The following SEMA3D variants were observed in gnomAD, a reference collection of about 807,000 sequenced individuals.
SEMA3D encodes the protein semaphorin-3D.
In SEMA3D, 84 loss-of-function variants were observed where a neutral mutation model predicts 100.1. The observed-to-expected ratio is 0.84, with a 90% CI of 0.70 to 1.01. The LOEUF is 1.01. SEMA3D is among the 50% of genes least tolerant of loss of function. The probability of loss-of-function intolerance (pLI) is 0.00; values close to 1 mark genes in which losing one functional copy is unlikely to be tolerated. For synonymous variants in SEMA3D, 312 were observed against 320.7 expected (o/e 0.97, Z 0.29); for missense variants, 875 against 934.1 (o/e 0.94, Z 0.82).
chr7:85,203,394 T>C, the SEMA3D span, among the ~76,000 whole-genome samples: 1 of 152,190 alleles, frequency 6.6e-6, no homozygotes, highest in Non-Finnish European at 1.5e-5. Flanking sequence ...AATAATATTT[T>C]AAAAGAGACT....
At chr7:85,245,957 T>A in the SEMA3D span, among the ~76,000 whole-genome samples, 1 of 152,086 alleles carries the variant, frequency 6.6e-6, no homozygotes, top group Non-Finnish European at 1.5e-5. Context: ...AATAATTTGG[T>A]AACATAATAG....
intron 9 of SEMA3D, among the ~76,000 whole-genome samples, chr7:85,044,388 C>A (rs566439835): frequency 2.5e-3 from 381 of 152,022 alleles, no homozygotes; most frequent in Non-Finnish European, 4.0e-3. Flanking sequence ...TCCTTTCTCA[C>A]TAAACAAAAG....
intron 9 of SEMA3D, among the ~76,000 whole-genome samples, chr7:85,049,570 A>G (rs1035242239): frequency 2.0e-5 from 3 of 151,822 alleles, no homozygotes; most frequent in African/African-American, 7.2e-5. Context: ...CAGACAGGAA[A>G]ACAGATGGAA....
chr7:85,020,158 A>G, intron 14 of SEMA3D, 75 bp downstream of exon 14: 1 of 935,712 alleles, frequency 1.1e-6, no homozygotes, highest in South Asian at 1.4e-5. Context: ...ATGATGTATT[A>G]AAACAAGGGT....
chr7:85,221,067 A>G, the SEMA3D span, among the ~76,000 whole-genome samples: 3 of 152,074 alleles, frequency 2.0e-5, no homozygotes, highest in East Asian at 1.9e-4. Flanking sequence ...ATGTGCTCCA[A>G]TGTCATGACC....
At chr7:85,117,051 C>T (rs1789263610) in intron 3 of SEMA3D, among the ~76,000 whole-genome samples, 1 of 152,128 alleles carries the variant, frequency 6.6e-6, no homozygotes, top group South Asian at 2.1e-4. Flanking sequence ...GTAAGGCTTT[C>T]TCATGTTGCA....
intron 2 of SEMA3D, 108 bp from the exon 3 acceptor site, chr7:85,122,039 A>C: frequency 1.7e-6 from 1 of 587,592 alleles, no homozygotes; most frequent in Non-Finnish European, 2.9e-6. Flanking sequence ...TTGAACAATG[A>C]GAACACATGG....
intron 1 of SEMA3D, among the ~76,000 whole-genome samples, chr7:85,163,504 G>GA (rs1440203129): frequency 3.3e-5 from 5 of 151,750 alleles, no homozygotes; most frequent in Non-Finnish European, 7.4e-5. Flanking sequence ...GGAAAAATAA[G>GA]AAAAAAAGAA....
intron 8 of SEMA3D, among the ~76,000 whole-genome samples, chr7:85,062,623 T>C (rs1317122279): frequency 6.6e-6 from 1 of 152,184 alleles, no homozygotes; most frequent in East Asian, 1.9e-4. Flanking sequence ...GATTTTAGAC[T>C]TTAAATCCAA....
At chr7:85,178,591 T>A (rs1323788989) in intron 1 of SEMA3D, among the ~76,000 whole-genome samples, 1 of 151,934 alleles carries the variant, frequency 6.6e-6, no homozygotes, top group African/African-American at 2.4e-5. Context: ...GCAGAAAAAA[T>A]TTCTAACTGG....
At chr7:85,070,898 A>G (rs1791753638) in intron 6 of SEMA3D, among the ~76,000 whole-genome samples, 1 of 152,146 alleles carries the variant, frequency 6.6e-6, no homozygotes, top group Admixed American at 6.5e-5. Flanking sequence ...TTCTTGCCTC[A>G]GCCTTCAGAG....
At chr7:85,044,218 A>G (rs1438988011) in intron 9 of SEMA3D, among the ~76,000 whole-genome samples, 1 of 152,050 alleles carries the variant, frequency 6.6e-6, no homozygotes, top group Non-Finnish European at 1.5e-5. Context: ...AATGACTACA[A>G]CAAACAAGAG....
chr7:85,127,094 T>C (rs1336385286), intron 2 of SEMA3D, among the ~76,000 whole-genome samples: 1 of 152,154 alleles, frequency 6.6e-6, no homozygotes, highest in Middle Eastern at 3.2e-3. Flanking sequence ...GAAGGCCATC[T>C]GACTCCTCAG....
chr7:85,203,618 C>G, the SEMA3D span, among the ~76,000 whole-genome samples: 1 of 152,090 alleles, frequency 6.6e-6, no homozygotes, highest in Non-Finnish European at 1.5e-5. Context: ...TGTGAAGCAA[C>G]TCCTGATGTG....
chr7:85,051,019 C>T (rs1791149187), intron 9 of SEMA3D, among the ~76,000 whole-genome samples: 1 of 151,878 alleles, frequency 6.6e-6, no homozygotes, highest in South Asian at 2.1e-4. Flanking sequence ...CAGATATTTA[C>T]ATTATTTACA....
chr7:85,096,009 C>T (rs1206780808), intron 4 of SEMA3D, among the ~76,000 whole-genome samples: 1 of 151,940 alleles, frequency 6.6e-6, no homozygotes, highest in African/African-American at 2.4e-5. Flanking sequence ...TCCCTGAAGG[C>T]AGAGAACAGA....
chr7:85,210,104 C>T, the SEMA3D span, among the ~76,000 whole-genome samples: 1 of 152,030 alleles, frequency 6.6e-6, no homozygotes, highest in Non-Finnish European at 1.5e-5. Flanking sequence ...TAATGGGAGG[C>T]TCTAAACAAC....
chr7:85,246,862 T>A, the SEMA3D span, among the ~76,000 whole-genome samples: 1 of 151,908 alleles, frequency 6.6e-6, no homozygotes, highest in African/African-American at 2.4e-5. Context: ...CATCTTAATT[T>A]TCTTGCCACA....
the SEMA3D span, among the ~76,000 whole-genome samples, chr7:85,210,876 A>G: frequency 6.6e-6 from 1 of 152,072 alleles, no homozygotes; most frequent in Non-Finnish European, 1.5e-5. Context: ...GGATTAGGCT[A>G]AAGTATTCTA....
Sources: gnomAD v4.1 joint callset for allele counts (sites outside exome capture counted in the v4.1 genomes callset) on GRCh38, gnomAD v4.1.1 for gene constraint, MANE v1.5 for transcripts, NCBI Gene and HGNC (gene_info 2026-07-23, HGNC 2026-07-21) for gene names.